SSX7: variants seen among roughly 807,000 people sequenced by gnomAD.
The protein encoded by SSX7 is protein SSX7.
SSX7 carries 15 observed loss-of-function variants against 14.7 expected under a neutral mutation model. The observed-to-expected ratio is 1.02, with a 90% confidence interval of 0.68 to 1.58. SSX7 has a LOEUF of 1.58. SSX7 is among the 40% of genes most tolerant of loss of function. The probability of loss-of-function intolerance (pLI) is 0.00; values close to 1 mark genes in which losing one functional copy is unlikely to be tolerated. For synonymous variants in SSX7, 46 were observed against 50.6 expected (o/e 0.91, Z 0.38); for missense variants, 178 against 146.8 (o/e 1.21, Z -1.10).
intron 5 of SSX7, among the ~76,000 whole-genome samples, chrX:52,648,672 A>G (rs1387771252): frequency 2.7e-5 from 3 of 111,836 alleles, no homozygotes; most frequent in Non-Finnish European, 5.6e-5. Flanking sequence ...AGAGTTTGGT[A>G]TACAAAAGAT....
chrX:52,648,194 C>A lies in SSX7; in HGVS notation c.466+67G>T. ...GCTTGTCTGGGGTCCATGCCACACA[C>A]CCAGTCCACACACCTGAACATAGCC... On this transcript the variant is annotated intron_variant, in intron 6 of 7. Transcript: ENST00000298181. 8 of 1,173,479 alleles carry A rather than the reference C, an allele frequency of 6.8e-6. No individual in the cohort carries two copies. The Middle Eastern group carries it at 1.9e-3, about 281-fold the overall frequency.
intron 4 of SSX7, among the ~76,000 whole-genome samples, chrX:52,651,388 C>A (rs782363517): frequency 3.6e-5 from 4 of 112,078 alleles, no homozygotes; most frequent in Non-Finnish European, 7.5e-5. Context: ...TTTCTTTCTT[C>A]TTTTTTTCTC....
At chrX:52,645,720 C>A (rs1337375389) in intron 6 of SSX7, among the ~76,000 whole-genome samples, 177 bp from the exon 7 acceptor site, 4 of 110,873 alleles carry the variant, frequency 3.6e-5, no homozygotes, top group African/African-American at 6.6e-5. Context: ...CCAATACAGG[C>A]CAAATGCCAA....
chrX:52,646,912 C>G (rs1223737343), intron 6 of SSX7, among the ~76,000 whole-genome samples: 1 of 112,309 alleles, frequency 8.9e-6, no homozygotes. Flanking sequence ...AACAGCCAAG[C>G]TGTGAATGCA....
At chrX:52,644,997 C>T (rs781903020) in intron 7 of SSX7, among the ~76,000 whole-genome samples, 80 of 111,114 alleles carry the variant, frequency 7.2e-4, no homozygotes, top group Middle Eastern at 4.7e-3. Flanking sequence ...AGGCCAGGCG[C>T]GGTGGTTCAC....
intron 6 of SSX7, among the ~76,000 whole-genome samples, chrX:52,646,004 T>A (rs1192453108): frequency 9.0e-6 from 1 of 111,633 alleles, no homozygotes; most frequent in African/African-American, 3.2e-5. Context: ...ATTACTGAAA[T>A]TGTTTTTGTT....
At chrX:52,652,601 C>T (rs1556767168) in intron 3 of SSX7, among the ~76,000 whole-genome samples, 1 of 109,714 alleles carries the variant, frequency 9.1e-6, no homozygotes, top group African/African-American at 3.3e-5. Flanking sequence ...GTGGGGGTGC[C>T]GGGATGCCAC....
rs1556767324 is a variant in SSX7, at chrX:52,653,495, G to A, written c.-20-3C>T. ...CATGGCACCAGGAGCAGTCTGACCTGCAAGAGAAATAGCCTGAGTCTTTCC... is the reference window on the plus strand; with the variant it reads ...CATGGCACCAGGAGCAGTCTGACCTACAAGAGAAATAGCCTGAGTCTTTCC... On this transcript the variant is annotated splice_polypyrimidine_tract_variant and splice_region_variant and intron_variant, in intron 1 of 7. Coordinates refer to ENST00000298181, the MANE Select transcript of SSX7 (RefSeq NM_173358.2). 1.7e-6 allele frequency: 2 copies of A among 1,209,315 alleles called. No homozygotes were observed. Among genetic ancestry groups the A allele is most frequent in the Non-Finnish European group, 2.2e-6 (2 of 894,803 alleles).
At position 52,644,371 on chromosome X, in the gene SSX7, T is replaced by A. The variant is rs1350220904; in HGVS notation, c.*304A>T. On this transcript the variant is annotated 3_prime_UTR_variant, in exon 8 of 8. Coordinates refer to ENST00000298181, the MANE Select transcript of SSX7 (RefSeq NM_173358.2). ...CTGTTCTATGGAGAGAATACCTGACTATACTTGCTTTCTGAGGTAGGTGCA... is the reference window on the plus strand; with the variant it reads ...CTGTTCTATGGAGAGAATACCTGACAATACTTGCTTTCTGAGGTAGGTGCA... The A allele has an allele frequency of 2.8e-6, 1 of 355,928 alleles. No homozygotes were observed. Among genetic ancestry groups the A allele is most frequent in the Non-Finnish European group, 4.7e-6 (1 of 210,532 alleles). 29.3% of individuals were successfully genotyped at this position (355,928 alleles called of 1,213,427 possible). A position where few individuals can be genotyped will look rare whatever the true frequency, so the allele number is the denominator to read the frequency against.
chrX:52,652,040 A>T (rs1342366251), intron 4 of SSX7, among the ~76,000 whole-genome samples: 4 of 108,539 alleles, frequency 3.7e-5, no homozygotes, highest in African/African-American at 1.3e-4. Flanking sequence ...CCATTTACTT[A>T]TTATCTATAA....
chrX:52,645,726 G>A (rs1556766284), intron 6 of SSX7, among the ~76,000 whole-genome samples, 183 bp from the exon 7 acceptor site: 2 of 110,942 alleles, frequency 1.8e-5, no homozygotes, highest in African/African-American at 6.6e-5. Context: ...CAGGCCAAAT[G>A]CCAATTAAAG....
chrX:52,650,069 G>A (rs1327816906), intron 5 of SSX7, among the ~76,000 whole-genome samples: 4 of 111,941 alleles, frequency 3.6e-5, no homozygotes, highest in Non-Finnish European at 7.5e-5. Flanking sequence ...TTATTATTTG[G>A]AGATAATAAT....
rs782409737 is a variant in SSX7, at chrX:52,652,266, T to C, written c.266A>G (p.Asn89Ser). 80 of 1,203,709 alleles carry C rather than the reference T, an allele frequency of 6.6e-5. 1 individual carries two copies. In the South Asian group the frequency reaches 1.4e-3, roughly 20 times the overall value. The change falls in exon 4 of 8, where the codon AAC becomes AGC. Residue 89 changes from asparagine (N) to serine (S), a missense_variant. By Grantham distance (46) the Asn-to-Ser change is conservative. Transcript: ENST00000298181. Reference protein sequence around the residue: ...LQGNDFDNDRNQGNQVERPQM... With the variant: ...LQGNDFDNDRSQGNQVERPQM... ...CGTCTACTCACCCTGATTCCCTTGG[T>C]TACGGTCATTATCAAAATCATTCCC...
intron 4 of SSX7, 113 bp downstream of exon 4, chrX:52,652,139 C>A: frequency 7.4e-6 from 4 of 541,408 alleles, no homozygotes; most frequent in Non-Finnish European, 5.9e-6. Context: ...TTTTTTTTCA[C>A]TCAGCCCTGA....
At chrX:52,650,259 T>C in intron 5 of SSX7, 94 bp downstream of exon 5, 1 of 1,080,037 alleles carries the variant, frequency 9.3e-7, no homozygotes, top group Non-Finnish European at 1.3e-6. Context: ...AAGGAGGCAG[T>C]GAGGGCATTT....
chrX:52,653,039 A>C, intron 2 of SSX7, 55 bp from the exon 3 acceptor site: 1 of 1,186,283 alleles, frequency 8.4e-7, no homozygotes, highest in Non-Finnish European at 1.1e-6. Flanking sequence ...CATGTCTGCC[A>C]TTCAGCTGGA....
At chrX:52,654,364 G>GTTTTTTTTTTTTTTTTTTTTT (rs1352091546) in intron 1 of SSX7, among the ~76,000 whole-genome samples, 1 of 60,944 alleles carries the variant, frequency 1.6e-5, no homozygotes. Flanking sequence ...ATTTGAGTGA[G>GTTTTTTTTTTTTTTTTTTTTT]TTTTTTTTTT....
At position 52,650,012 on chromosome X, in the gene SSX7, C is replaced by A. The variant is rs183416319; in HGVS notation, c.330+341G>T. Among the ~76,000 whole-genome samples the A allele has an allele frequency of 5.4e-3, 612 of 112,401 alleles. 1 individual carries two copies. Among genetic ancestry groups the A allele is most frequent in the Non-Finnish European group, 9.6e-3 (512 of 53,266 alleles). ...CTCAGAGAACTTAGAAGACTTGTGC[C>A]AAGTCACATGGCTTTTATATGGACG... On this transcript the variant is annotated intron_variant, in intron 5 of 7. Transcript: ENST00000298181.
intron 3 of SSX7, 66 bp from the exon 4 acceptor site, chrX:52,652,413 T>C (rs1360178946): frequency 1.2e-6 from 1 of 829,377 alleles, no homozygotes; most frequent in African/African-American, 2.0e-5. Context: ...GGCTCATATC[T>C]GTAGTACCAG....
Sources: gnomAD v4.1 joint callset for allele counts (sites outside exome capture counted in the v4.1 genomes callset) on GRCh38, gnomAD v4.1.1 for gene constraint, MANE v1.5 for transcripts, NCBI Gene and HGNC (gene_info 2026-07-23, HGNC 2026-07-21) for gene names.